USH2A: variants seen among roughly 807,000 people sequenced by gnomAD.
USH2A encodes Usher syndrome 2A (autosomal recessive, mild).
In USH2A, 443 loss-of-function variants were observed where a neutral mutation model predicts 538.9. The observed-to-expected ratio is 0.82, with a 90% CI of 0.76 to 0.89. The LOEUF (loss-of-function observed/expected upper bound fraction) is 0.89, where lower values mean the gene tolerates loss of function less well. USH2A is among the 40% of genes least tolerant of loss of function. USH2A has a pLI of 0.00. For missense variants in USH2A, 6,633 were observed against 6,324.8 expected, an observed-to-expected ratio of 1.05 and a Z score of -1.65; for synonymous variants, 2,413 against 2,273.5, an observed-to-expected ratio of 1.06 and a Z score of -1.75.
chr1:216,369,522 T>A (rs919848981), intron 3 of USH2A, among the ~76,000 whole-genome samples: 2 of 152,138 alleles, frequency 1.3e-5, no homozygotes, highest in Non-Finnish European at 2.9e-5. Flanking sequence ...TTAACTAAAT[T>A]TTTAGTATTT....
chr1:216,313,272 G>A (rs1278657726), intron 9 of USH2A, among the ~76,000 whole-genome samples: 4 of 152,156 alleles, frequency 2.6e-5, no homozygotes. Flanking sequence ...ATGCAGTCCG[G>A]TTTCTAATAG....
rs530107549 is a variant in USH2A at position 216,107,975 on chromosome 1, G to A, written c.4628-10762C>T. 4.6e-5 allele frequency among the ~76,000 whole-genome samples: 7 copies of A among 151,764 alleles called. No homozygotes were observed. The East Asian group carries it at 1.2e-3, about 25-fold the overall frequency. ...TTTTATACAGTTTAATTTTATATAT[G>A]TTGTAAACTGCAGAATATGTTTAAA... On this transcript the variant is annotated intron_variant, in intron 21 of 71. Coordinates refer to ENST00000307340, the MANE Select transcript of USH2A (RefSeq NM_206933.4).
intron 44 of USH2A, among the ~76,000 whole-genome samples, chr1:215,858,738 G>T (rs1664238576): frequency 6.6e-6 from 1 of 151,788 alleles, no homozygotes; most frequent in Middle Eastern, 3.2e-3. Context: ...CCAATCCTTG[G>T]TCAGAAATTT....
intron 21 of USH2A, among the ~76,000 whole-genome samples, chr1:216,132,660 A>C (rs185985997): frequency 6.6e-6 from 1 of 152,240 alleles, no homozygotes; most frequent in Admixed American, 6.5e-5. Flanking sequence ...TTTTGGCTGA[A>C]GAAACTGAGG....
chr1:215,706,285 G>A (rs1029203141), intron 61 of USH2A, among the ~76,000 whole-genome samples: 3 of 152,128 alleles, frequency 2.0e-5, no homozygotes, highest in Admixed American at 2.0e-4. Context: ...CATACAGATA[G>A]CTTCTTACAT....
intron 9 of USH2A, among the ~76,000 whole-genome samples, chr1:216,313,118 CAGAA>C (rs1175794542): frequency 6.6e-6 from 1 of 152,154 alleles, no homozygotes; most frequent in Admixed American, 6.5e-5. Flanking sequence ...CAGGAATTCT[CAGAA>C]GGAGTGCACA....
At chr1:215,716,326 A>C (rs1419008347) in intron 61 of USH2A, among the ~76,000 whole-genome samples, 1 of 152,238 alleles carries the variant, frequency 6.6e-6, no homozygotes, top group Non-Finnish European at 1.5e-5. Context: ...TGGGGTTGGC[A>C]GAGCAGGCTG....
chr1:216,045,055 A>G (rs888809988), intron 32 of USH2A, among the ~76,000 whole-genome samples: 3 of 152,144 alleles, frequency 2.0e-5, no homozygotes, highest in African/African-American at 7.2e-5. Context: ...CACCAAGAGA[A>G]GAGGGACAGT....
chr1:216,306,302 C>T (rs527898836), intron 9 of USH2A, among the ~76,000 whole-genome samples: 15 of 152,056 alleles, frequency 9.9e-5, no homozygotes, highest in African/African-American at 3.6e-4. Flanking sequence ...GATTCTATTG[C>T]TAAGACTTTC....
intron 21 of USH2A, chr1:216,174,485 G>A (rs1330195734): frequency 3.0e-6 from 3 of 985,298 alleles, no homozygotes; most frequent in Non-Finnish European, 3.6e-6. Context: ...AGGCAGGATT[G>A]TGCTGGTACA....
At chr1:215,885,455 C>A (rs2102457487) in intron 41 of USH2A, among the ~76,000 whole-genome samples, 1 of 152,094 alleles carries the variant, frequency 6.6e-6, no homozygotes, top group Non-Finnish European at 1.5e-5. Flanking sequence ...TGTTTTAGGT[C>A]TTGGTAGAGC....
chr1:215,884,476 T>C (rs2102456669), intron 41 of USH2A, among the ~76,000 whole-genome samples: 1 of 152,306 alleles, frequency 6.6e-6, no homozygotes, highest in East Asian at 1.9e-4. Context: ...TTACTCCTTA[T>C]GTAATCTTAT....
At chr1:216,286,558 C>CA (rs1300246463) in intron 11 of USH2A, among the ~76,000 whole-genome samples, 14 of 151,060 alleles carry the variant, frequency 9.3e-5, no homozygotes, top group South Asian at 8.4e-4. Context: ...ACTAAAAATA[C>CA]AAAAAAAAGA....
chr1:216,379,785 T>C (rs944439112), intron 3 of USH2A, among the ~76,000 whole-genome samples: 3 of 152,186 alleles, frequency 2.0e-5, no homozygotes, highest in South Asian at 2.1e-4. Context: ...TTGAAAAGCT[T>C]GAGTATCCAA....
Position 216,048,562 on chromosome 1 carries a change from A to G in USH2A, c.6135T>C (p.His2045=), listed in dbSNP as rs1218972916. ...CTLAGCTESS[H]ALNISTPQEA... ...CTTGTGGAGTAGAGATGTTCAATGC[A>G]TGTGAGCTCTCAGTACAGCCAGCCA... The change falls in exon 31 of 72, where the codon CAT becomes CAC. Residue 2045 remains histidine, a synonymous_variant. Transcript: ENST00000307340. 1.9e-6 allele frequency: 3 copies of G among 1,614,128 alleles called. No individual in the cohort carries two copies. Among genetic ancestry groups the G allele is most frequent in the Non-Finnish European group, 2.5e-6 (3 of 1,179,970 alleles).
chr1:216,376,938 G>A (rs1275114727), intron 3 of USH2A, among the ~76,000 whole-genome samples: 2 of 152,014 alleles, frequency 1.3e-5, no homozygotes, highest in Non-Finnish European at 2.9e-5. Context: ...TTCAACAAGG[G>A]TAGAACATCC....
At chr1:216,212,143 A>C (rs188071445) in intron 15 of USH2A, among the ~76,000 whole-genome samples, 1 of 152,268 alleles carries the variant, frequency 6.6e-6, no homozygotes, top group Admixed American at 6.5e-5. Context: ...GGGTGTAGAA[A>C]ATGATTTGCA....
intron 21 of USH2A, among the ~76,000 whole-genome samples, chr1:216,139,688 G>C (rs2033562960): frequency 6.6e-6 from 1 of 152,096 alleles, no homozygotes; most frequent in African/African-American, 2.4e-5. Flanking sequence ...CCAGATTTTT[G>C]ATGATATGAT....
At chr1:216,405,108 AGCATCCTGACGTGTGGGGATTACAG>A (rs2039372691) in intron 3 of USH2A, among the ~76,000 whole-genome samples, 1 of 152,172 alleles carries the variant, frequency 6.6e-6, no homozygotes, top group African/African-American at 2.4e-5. Context: ...CACCCACCTC[AGCATCCTGACGTGTGGGGATTACAG>A]GCATGAGCCA....
Sources: gnomAD v4.1 joint callset for allele counts (sites outside exome capture counted in the v4.1 genomes callset) on GRCh38, gnomAD v4.1.1 for gene constraint, MANE v1.5 for transcripts, NCBI Gene and HGNC (gene_info 2026-07-23, HGNC 2026-07-21) for gene names.